SIK3: variants seen among roughly 807,000 people sequenced by gnomAD.
SIK3 encodes the protein serine/threonine-protein kinase SIK3.
A neutral mutation model predicts 144.2 loss-of-function variants in SIK3; 28 were observed. The ratio of observed to expected loss-of-function variants is 0.19; its 90% CI spans 0.14 to 0.27. SIK3 has a LOEUF of 0.27. Ranked by LOEUF, SIK3 falls within the 10% of genes least tolerant of loss-of-function variation. SIK3 has a pLI of 1.00. For missense variants in SIK3, 1,319 were observed against 1,776.0 expected (o/e 0.74, Z 4.62); for synonymous variants, 686 against 676.3 (o/e 1.01, Z -0.22).
chr11:117,044,671 A>T (rs1038868150), intron 1 of SIK3, among the ~76,000 whole-genome samples: 4 of 152,140 alleles, frequency 2.6e-5, no homozygotes, highest in African/African-American at 9.6e-5. Context: ...TACCTAAAAA[A>T]GGCAAATCAT....
chr11:117,033,214 C>T (rs1434044183), intron 1 of SIK3, among the ~76,000 whole-genome samples: 1 of 152,192 alleles, frequency 6.6e-6, no homozygotes, highest in African/African-American at 2.4e-5. Context: ...TGCTGCACTC[C>T]ATCAAGTGTC....
intron 1 of SIK3, among the ~76,000 whole-genome samples, chr11:117,075,867 G>C (rs1402182231): frequency 2.1e-4 from 2 of 9,610 alleles, no homozygotes; most frequent in Non-Finnish European, 1.9e-4. Context: ...TTTTTTTTTT[G>C]AGACAGTTTT....
chr11:116,921,277 A>G (rs1176945356), intron 4 of SIK3, among the ~76,000 whole-genome samples: 2 of 152,238 alleles, frequency 1.3e-5, no homozygotes, highest in African/African-American at 4.8e-5. Flanking sequence ...ATTAGGTGAT[A>G]CATGTAAAAA....
Position 117,040,948 on chromosome 11 carries a change from C to CTTTT in SIK3, c.273+57191_273+57194dup, listed in dbSNP as rs369066520. Among the ~76,000 whole-genome samples, 23 of 116,800 alleles carry CTTTT rather than the reference C, an allele frequency of 2.0e-4. 1 individual carries two copies. The highest frequency in any genetic ancestry group is 6.6e-4 in the African/African-American group (20 of 30,224). 76.6% of individuals were successfully genotyped at this position (116,800 alleles called of 152,430 possible). On this transcript the variant is annotated intron_variant, in intron 1 of 24. Coordinates refer to ENST00000445177, the MANE Select transcript of SIK3 (RefSeq NM_001366686.3). Reference sequence around the variant, plus strand: ...CCATCACCTCACAGTTACCTGCCTCCTTTTTTTTTTTTTTTTTTTAGCAAG... The same window carrying CTTTT: ...CCATCACCTCACAGTTACCTGCCTCCTTTTTTTTTTTTTTTTTTTTTTTAGCAAG...
rs75190176 is a variant in SIK3, at chr11:117,062,186, G to A, written c.273+35957C>T. Among the ~76,000 whole-genome samples, 164 of 152,168 alleles carry A rather than the reference G, an allele frequency of 1.1e-3. 5 individuals carry two copies. In the East Asian group the frequency reaches 0.026, roughly 24 times the overall value. On this transcript the variant is annotated intron_variant, in intron 1 of 24. Coordinates refer to ENST00000445177, the MANE Select transcript of SIK3 (RefSeq NM_001366686.3). ...CTAAAAATACAAAAATTAGCCAGGC[G>A]TGAACTCCACTGTGCCCGGCCTGCT...
chr11:116,850,060 C>T (rs753633850), intron 21 of SIK3, among the ~76,000 whole-genome samples: 5 of 152,190 alleles, frequency 3.3e-5, no homozygotes, highest in Non-Finnish European at 7.3e-5. Flanking sequence ...ATCTTCCAGG[C>T]ATAAGCTCTT....
chr11:116,973,043 A>G (rs1164006353), intron 1 of SIK3, among the ~76,000 whole-genome samples: 1 of 152,120 alleles, frequency 6.6e-6, no homozygotes, highest in East Asian at 1.9e-4. Flanking sequence ...AAGCAATTCT[A>G]CCAACTACCT....
intron 1 of SIK3, among the ~76,000 whole-genome samples, chr11:117,094,080 G>A (rs1955366081): frequency 6.6e-6 from 1 of 152,032 alleles, no homozygotes; most frequent in Admixed American, 6.6e-5. Flanking sequence ...AAGTACTACT[G>A]TCATCCCACT....
chr11:116,849,326 T>C lies in SIK3; in HGVS notation c.3656-43A>G. The C allele has an allele frequency of 6.2e-7, 1 of 1,610,274 alleles. No individual in the cohort carries two copies. Among genetic ancestry groups the C allele is most frequent in the Non-Finnish European group, 8.5e-7 (1 of 1,177,636 alleles). On this transcript the variant is annotated intron_variant, in intron 21 of 24. Coordinates refer to ENST00000445177, the MANE Select transcript of SIK3 (RefSeq NM_001366686.3). The surrounding 1 kb of genome is among the most constrained non-coding windows in gnomAD (Gnocchi z 4.2). The stretch of plus-strand genomic sequence containing the variant: ...AATAGAGTCAGTGGGGCGGAACTTC[T>C]CCCAGCACTGGAAACTCCCATCCAA...
intron 19 of SIK3, among the ~76,000 whole-genome samples, chr11:116,860,703 T>C (rs1444581179): frequency 1.3e-5 from 2 of 151,996 alleles, no homozygotes; most frequent in African/African-American, 4.8e-5. Context: ...TTATCCTCAG[T>C]TGACATTTGA....
intron 1 of SIK3, among the ~76,000 whole-genome samples, chr11:116,986,045 A>G (rs570485113): frequency 3.3e-5 from 5 of 152,330 alleles, no homozygotes; most frequent in African/African-American, 9.6e-5. Flanking sequence ...AAGGGCATCA[A>G]TCATTCTGGT....
intron 4 of SIK3, among the ~76,000 whole-genome samples, chr11:116,907,464 C>T (rs1979023): frequency 0.94 from 143,750 of 152,256 alleles, 68,070 homozygotes; most frequent in Non-Finnish European, 0.98. Context: ...CTGGCCAACA[C>T]GGCAAAACCC....
chr11:116,872,122 TG>T (rs1299828952), intron 13 of SIK3, among the ~76,000 whole-genome samples: 2 of 150,616 alleles, frequency 1.3e-5, no homozygotes, highest in Non-Finnish European at 3.0e-5. Flanking sequence ...AAAGGAGAGG[TG>T]GGGGAAAACA....
At position 117,063,718 on chromosome 11, in the gene SIK3, A is replaced by T. The variant is rs567680289; in HGVS notation, c.273+34425T>A. Reference sequence around the variant, plus strand: ...CAAGTAGCTGGAATTACAGGCATCCACCACTACGCCTGGCTAATTTTTTGT... The same window carrying T: ...CAAGTAGCTGGAATTACAGGCATCCTCCACTACGCCTGGCTAATTTTTTGT... On this transcript the variant is annotated intron_variant, in intron 1 of 24. Coordinates refer to ENST00000445177, the MANE Select transcript of SIK3 (RefSeq NM_001366686.3). 2.0e-5 allele frequency among the ~76,000 whole-genome samples: 3 copies of T among 151,138 alleles called. No individual in the cohort carries two copies. The South Asian group carries it at 6.3e-4, about 32-fold the overall frequency.
In SIK3 at chr11:116,924,053, G is replaced by A. The variant is rs55825148; in HGVS notation, c.616+3166C>T. Reference sequence around the variant, plus strand: ...TCCCAGCACTTTGGGAGGCTGAGGCGGGTGGATCAGGATCTTGAACTCCTG... The same window carrying A: ...TCCCAGCACTTTGGGAGGCTGAGGCAGGTGGATCAGGATCTTGAACTCCTG... On this transcript the variant is annotated intron_variant, in intron 4 of 24. Transcript: ENST00000445177. 7.4e-4 allele frequency among the ~76,000 whole-genome samples: 113 copies of A among 152,148 alleles called. 1 individual carries two copies. The highest frequency in any genetic ancestry group is 2.5e-3 in the African/African-American group (105 of 41,508).
intron 14 of SIK3, chr11:116,869,870 A>G: frequency 9.6e-6 from 3 of 313,056 alleles, no homozygotes; most frequent in Non-Finnish European, 1.9e-5. Context: ...GGGTGGAAGA[A>G]GCACACAGCA....
At chr11:116,893,514 C>CA (rs61637606) in intron 6 of SIK3, among the ~76,000 whole-genome samples, 9,288 of 146,832 alleles carry the variant, frequency 0.063, 932 homozygotes, top group African/African-American at 0.22. Context: ...CCATCTCTAC[C>CA]AAAAAAAAAA....
chr11:116,876,478 TCAGA>T, intron 7 of SIK3, 115 bp from the exon 8 acceptor site: 1 of 816,238 alleles, frequency 1.2e-6, no homozygotes, highest in Non-Finnish European at 2.1e-6. Flanking sequence ...ATTTTTGGCC[TCAGA>T]CAAAGTCTAA....
chr11:117,011,519 AT>A (rs201883643), intron 1 of SIK3, among the ~76,000 whole-genome samples: 24,611 of 150,086 alleles, frequency 0.16, 2,124 homozygotes, highest in Admixed American at 0.21. Context: ...TTAAACGGAA[AT>A]TTTTTTTTTT....
Sources: allele counts gnomAD v4.1 joint callset (sites outside exome capture counted in the v4.1 genomes callset), GRCh38; gene constraint gnomAD v4.1.1; non-coding constraint Gnocchi (gnomAD v3.1); transcripts MANE v1.5; gene names NCBI Gene and HGNC (gene_info 2026-07-23, HGNC 2026-07-21).